ATM: variants seen among roughly 807,000 people sequenced by gnomAD.
ATM encodes the protein ATM serine/threonine kinase, also known as serine-protein kinase ATM.
A neutral mutation model predicts 387.0 loss-of-function variants in ATM; 308 were observed. The ratio of observed to expected loss-of-function variants is 0.80; its 90% confidence interval spans 0.73 to 0.87. ATM has a LOEUF of 0.87. ATM is among the 40% of genes least tolerant of loss of function. ATM has a pLI of 0.00. For missense variants in ATM, 3,312 were observed against 3,560.9 expected (o/e 0.93, Z 1.78); for synonymous variants, 1,156 against 1,187.3 (o/e 0.97, Z 0.54).
At chr11:108,297,157 A>T in intron 32 of ATM, 130 bp from the exon 33 acceptor site, 2 of 696,866 alleles carry the variant, frequency 2.9e-6, no homozygotes, top group Non-Finnish European at 4.8e-6. Flanking sequence ...TTTTTGAGCT[A>T]CTCATGACTT....
chr11:108,348,066 A>G (rs1331750176), intron 59 of ATM, among the ~76,000 whole-genome samples: 1 of 152,188 alleles, frequency 6.6e-6, no homozygotes, highest in African/African-American at 2.4e-5. Flanking sequence ...TGGGGCCCCC[A>G]GATAACTGAA....
intron 5 of ATM, among the ~76,000 whole-genome samples, chr11:108,243,337 G>A (rs2079659704): frequency 6.6e-6 from 1 of 152,080 alleles, no homozygotes; most frequent in East Asian, 1.9e-4. Flanking sequence ...TGGAGGCCAG[G>A]CCCAGTGGCT....
At chr11:108,263,133 AC>A (rs1175985425) in intron 16 of ATM, among the ~76,000 whole-genome samples, 1 of 149,798 alleles carries the variant, frequency 6.7e-6, no homozygotes, top group Non-Finnish European at 1.5e-5. Context: ...CACCAAGCAG[AC>A]CTAATAGACA....
chr11:108,339,656 T>C (rs771059597), intron 56 of ATM, among the ~76,000 whole-genome samples: 16 of 152,276 alleles, frequency 1.1e-4, no homozygotes, highest in Non-Finnish European at 2.1e-4. Flanking sequence ...AACATCACAG[T>C]TGAGACTCTA....
At chr11:108,291,197 C>T (rs2082775331) in intron 29 of ATM, among the ~76,000 whole-genome samples, 1 of 152,112 alleles carries the variant, frequency 6.6e-6, no homozygotes, top group Non-Finnish European at 1.5e-5. Context: ...ATTCGCACCA[C>T]TGCACTCCAG....
At position 108,227,252 on chromosome 11, in the gene ATM, C is replaced by A. The variant is rs1836916805; in HGVS notation, c.-30-343C>A. ...CTGGTCGAACTCCTGACCTTGTGATCCTCCCACCTTGGCCTCCCAAAGTGC... is the reference window on the plus strand; with the variant it reads ...CTGGTCGAACTCCTGACCTTGTGATACTCCCACCTTGGCCTCCCAAAGTGC... On this transcript the variant is annotated intron_variant, in intron 1 of 62. Coordinates refer to ENST00000675843, the MANE Select transcript of ATM (RefSeq NM_000051.4). 5 of 192,430 alleles carry A rather than the reference C, an allele frequency of 2.6e-5. No individual in the cohort carries two copies. The South Asian group carries it at 4.4e-4, about 17-fold the overall frequency. 11.9% of individuals were successfully genotyped at this position (192,430 alleles called of 1,614,324 possible).
intron 13 of ATM, among the ~76,000 whole-genome samples, chr11:108,255,407 A>G (rs192537624): frequency 6.7e-6 from 1 of 148,714 alleles, no homozygotes; most frequent in Non-Finnish European, 1.5e-5. Context: ...TAGTAATTCT[A>G]TAAAATTGTC....
chr11:108,261,063 G>A (rs2080845769), intron 16 of ATM, among the ~76,000 whole-genome samples: 3 of 152,176 alleles, frequency 2.0e-5, no homozygotes, highest in Admixed American at 6.5e-5. Context: ...GCTGGGGGAG[G>A]GATGCCTGCC....
intron 61 of ATM, chr11:108,356,057 G>GA (rs567040306): frequency 1.2e-4 from 19 of 152,026 alleles, no homozygotes; most frequent in Non-Finnish European, 2.5e-4. Context: ...TTCTTTTACC[G>GA]ATTTCAAATT....
rs764538548 is a variant in ATM, at chr11:108,257,599, G to C, written c.2369G>C (p.Cys790Ser). The change falls in exon 15 of 63, where the codon TGT becomes TCT. Residue 790 changes from cysteine (C) to serine (S), a missense_variant. Cys to Ser is a moderately radical substitution (Grantham distance 112, BLOSUM62 -1). Coordinates refer to ENST00000675843, the MANE Select transcript of ATM (RefSeq NM_000051.4). ...CTATGTACACGTTGCTTGAGCAACT[G>C]TACCAAGGTAAGATTTTCTTCTTCT... ...MQLCTRCLSN[C>S]TKKSPNKIAS... 2.5e-6 allele frequency: 4 copies of C among 1,613,426 alleles called. No homozygotes were observed. The African/African-American group carries it at 4.0e-5, about 16-fold the overall frequency.
intron 29 of ATM, chr11:108,290,309 G>C (rs4988003): frequency 6.6e-6 from 1 of 151,898 alleles, no homozygotes; most frequent in South Asian, 2.1e-4. Context: ...AGCAGACCTC[G>C]TTTCTACTAA....
rs751260996 is a variant in ATM at position 108,271,341 on chromosome 11, C to T, written c.3012C>T (p.Ser1004=). The T allele has an allele frequency of 4.3e-6, 7 of 1,613,556 alleles. No homozygotes were observed. In the African/African-American group the frequency reaches 9.4e-5, roughly 22 times the overall value. ...ATGTAGTGAAAAACCTAGGTCAAAGCAATATGGACTCTGAGAACACAAGGG... is the reference window on the plus strand; with the variant it reads ...ATGTAGTGAAAAACCTAGGTCAAAGTAATATGGACTCTGAGAACACAAGGG... ...VLHVVKNLGQ[S]NMDSENTRDA... The change falls in exon 20 of 63, where the codon AGC becomes AGT. Residue 1004 remains serine, a synonymous_variant. Transcript: ENST00000675843.
At chr11:108,328,713 A>T (rs543543575) in intron 48 of ATM, among the ~76,000 whole-genome samples, 1 of 152,304 alleles carries the variant, frequency 6.6e-6, no homozygotes, top group South Asian at 2.1e-4. Context: ...TGCAAGAAGA[A>T]TTGCCTTGGG....
chr11:108,278,421 C>T lies in ATM; in HGVS notation c.3285-1070C>T, dbSNP rs1009788941. ...CAGTGTAGTGGTGGCATTAAAAAAA[C>T]TGAAGATTCAAAAAGTATAAATTCA... On this transcript the variant is annotated intron_variant, in intron 22 of 62. Transcript: ENST00000675843. 9.2e-5 allele frequency among the ~76,000 whole-genome samples: 14 copies of T among 151,992 alleles called. 1 individual carries two copies. Among genetic ancestry groups the T allele is most frequent in the Admixed American group, 3.9e-4 (6 of 15,260 alleles).
In ATM at chr11:108,321,377, C is replaced by A. The variant is rs766706861; in HGVS notation, c.6529C>A (p.Gln2177Lys). 1 of 1,614,178 alleles carries A rather than the reference C, an allele frequency of 6.2e-7. No individual in the cohort carries two copies. The highest frequency in any genetic ancestry group is 8.5e-7 in the Non-Finnish European group (1 of 1,180,030). Residue 2177 changes from glutamine to lysine, a missense_variant, in exon 45 of 63, where the codon CAG (glutamine) becomes AAG (lysine). Gln to Lys is a moderately conservative substitution (Grantham distance 53, BLOSUM62 1). Coordinates refer to ENST00000675843, the MANE Select transcript of ATM (RefSeq NM_000051.4). The part of the protein sequence containing the change: ...YSLYPTLSRL[Q>K]AIGELESIGE... The stretch of plus-strand genomic sequence containing the variant: ...GCTCTATCCCACACTTAGCAGGTTG[C>A]AGGCCATTGGAGAGCTGGAAAGCAT...
chr11:108,259,003 T>C lies in ATM; in HGVS notation c.2394T>C (p.Ile798=), dbSNP rs876659882. 1.4e-5 allele frequency: 22 copies of C among 1,613,698 alleles called. No individual in the cohort carries two copies. Among genetic ancestry groups the C allele is most frequent in the Non-Finnish European group, 1.6e-5 (19 of 1,179,874 alleles). Residue 798 remains isoleucine (I), a synonymous_variant, in exon 16 of 63, where the codon ATT becomes ATC. Coordinates refer to ENST00000675843, the MANE Select transcript of ATM (RefSeq NM_000051.4). Reference sequence around the variant, plus strand: ...AATTGCAGAAGAGTCCAAATAAGATTGCATCTGGCTTTTTCCTGCGATTGT... The same window carrying C: ...AATTGCAGAAGAGTCCAAATAAGATCGCATCTGGCTTTTTCCTGCGATTGT... The part of the protein sequence containing the change: ...SNCTKKSPNK[I]ASGFFLRLLT...
intron 36 of ATM, among the ~76,000 whole-genome samples, chr11:108,304,191 A>G (rs1333145843): frequency 6.6e-6 from 1 of 152,230 alleles, no homozygotes; most frequent in Non-Finnish European, 1.5e-5. Flanking sequence ...TGGGCTTATT[A>G]AAAAATAAAC....
intron 30 of ATM, among the ~76,000 whole-genome samples, chr11:108,293,067 C>T (rs1292032552): frequency 1.3e-5 from 2 of 152,120 alleles, no homozygotes; most frequent in African/African-American, 4.8e-5. Context: ...TGAGTTACTA[C>T]TTATATAAAC....
chr11:108,316,248 G>A, intron 42 of ATM, 135 bp downstream of exon 42: 1 of 935,434 alleles, frequency 1.1e-6, no homozygotes, highest in Non-Finnish European at 1.7e-6. Context: ...CAGAGGATTA[G>A]GCTAAACATT....
Sources: gnomAD v4.1 joint callset for allele counts (sites outside exome capture counted in the v4.1 genomes callset) on GRCh38, gnomAD v4.1.1 for gene constraint, MANE v1.5 for transcripts, NCBI Gene and HGNC (gene_info 2026-07-23, HGNC 2026-07-21) for gene names.